SIMC1: variants seen among roughly 807,000 people sequenced by gnomAD.
The protein encoded by SIMC1 is SUMO interacting motifs containing 1.
In SIMC1, 55 loss-of-function variants were observed where a neutral mutation model predicts 82.3. The observed-to-expected ratio is 0.67, with a 90% CI of 0.54 to 0.84. The LOEUF (loss-of-function observed/expected upper bound fraction) is 0.84. Among genes scored for constraint, SIMC1 ranks in the 40% least tolerant of loss-of-function variants. The pLI, the probability that SIMC1 is intolerant of heterozygous loss-of-function variation, is 0.00. For synonymous variants in SIMC1, 353 were observed against 426.3 expected (o/e 0.83, Z 2.12); for missense variants, 915 against 1,107.2 (o/e 0.83, Z 2.46).
At chr5:176,313,463 A>G (rs774812653) in intron 4 of SIMC1, 374 of 1,550,020 alleles carry the variant, frequency 2.4e-4, no homozygotes, top group South Asian at 3.8e-4. Context: ...TACTTAAAAA[A>G]TGGTTTCTGA....
chr5:176,265,900 A>G (rs1762191296), intron 1 of SIMC1, among the ~76,000 whole-genome samples: 1 of 152,148 alleles, frequency 6.6e-6, no homozygotes. Flanking sequence ...CAGGATACAA[A>G]AAGAGGTTAT....
chr5:176,274,201 CTG>C (rs1762577380), intron 1 of SIMC1, among the ~76,000 whole-genome samples: 1 of 141,928 alleles, frequency 7.0e-6, no homozygotes, highest in South Asian at 2.4e-4. Context: ...GCCATTCTAA[CTG>C]GTGTGAGATG....
At chr5:176,241,943 TTC>T (rs1761289761) in intron 1 of SIMC1, among the ~76,000 whole-genome samples, 1 of 152,064 alleles carries the variant, frequency 6.6e-6, no homozygotes, top group African/African-American at 2.4e-5. Context: ...GTCATGACTT[TTC>T]TCTGTTTCTT....
intron 5 of SIMC1, among the ~76,000 whole-genome samples, chr5:176,316,076 G>A (rs956819462): frequency 4.6e-5 from 7 of 152,092 alleles, no homozygotes; most frequent in Non-Finnish European, 8.8e-5. Context: ...TTGGGAGACC[G>A]AGACAGGAGA....
intron 6 of SIMC1, chr5:176,322,703 T>C: frequency 3.1e-6 from 1 of 321,268 alleles, no homozygotes; most frequent in African/African-American, 2.1e-5. Flanking sequence ...TGCCCTTCAC[T>C]TCCTGCATTT....
At chr5:176,330,599 C>G (rs1468864461) in intron 7 of SIMC1, among the ~76,000 whole-genome samples, 1 of 152,026 alleles carries the variant, frequency 6.6e-6, no homozygotes, top group Non-Finnish European at 1.5e-5. Flanking sequence ...ATAATTTGAG[C>G]TCCAAAATGA....
At chr5:176,271,921 T>G (rs1171551773) in intron 1 of SIMC1, among the ~76,000 whole-genome samples, 2 of 57,548 alleles carry the variant, frequency 3.5e-5, no homozygotes, top group East Asian at 1.5e-3. Flanking sequence ...TAATTGTATA[T>G]TATATTATAA....
chr5:176,321,005 C>T (rs1226037466), intron 5 of SIMC1, among the ~76,000 whole-genome samples: 1 of 152,176 alleles, frequency 6.6e-6, no homozygotes, highest in African/African-American at 2.4e-5. Flanking sequence ...CCTCACCCCT[C>T]ATCCATCAGC....
intron 1 of SIMC1, among the ~76,000 whole-genome samples, chr5:176,275,101 C>T (rs1337111847): frequency 3.3e-5 from 5 of 151,540 alleles, no homozygotes; most frequent in African/African-American, 4.8e-5. Flanking sequence ...ATTCTTCCTA[C>T]CCATGAGCAT....
At chr5:176,288,880 C>G (rs1341239923) in intron 1 of SIMC1, among the ~76,000 whole-genome samples, 1 of 152,174 alleles carries the variant, frequency 6.6e-6, no homozygotes, top group Non-Finnish European at 1.5e-5. Context: ...TACAATACCT[C>G]TGTACTGTAT....
intron 4 of SIMC1, 52 bp from the exon 5 acceptor site, chr5:176,313,639 G>C: frequency 1.2e-6 from 2 of 1,604,822 alleles, no homozygotes; most frequent in Non-Finnish European, 1.7e-6. Context: ...AATGTTGACT[G>C]TCATCCAAGA....
At chr5:176,271,270 GA>G (rs978759205) in intron 1 of SIMC1, among the ~76,000 whole-genome samples, 2 of 152,170 alleles carry the variant, frequency 1.3e-5, no homozygotes, top group African/African-American at 2.4e-5. Flanking sequence ...TGAGGCCTGA[GA>G]ATCATTTGAA....
At chr5:176,328,350 G>GACTAATA (rs35838110) in intron 7 of SIMC1, among the ~76,000 whole-genome samples, 53 of 152,078 alleles carry the variant, frequency 3.5e-4, no homozygotes, top group African/African-American at 1.3e-3. Context: ...GTAAGCCACA[G>GACTAATA]ACTAATAAAA....
chr5:176,256,491 T>G (rs554809104), intron 1 of SIMC1, among the ~76,000 whole-genome samples: 26 of 152,312 alleles, frequency 1.7e-4, no homozygotes, highest in African/African-American at 5.8e-4. Flanking sequence ...CCTTCTTTCT[T>G]AAATAGTTAG....
chr5:176,292,832 C>G (rs1388372483), intron 2 of SIMC1, among the ~76,000 whole-genome samples: 1 of 152,178 alleles, frequency 6.6e-6, no homozygotes, highest in South Asian at 2.1e-4. Flanking sequence ...TGAGCCACCG[C>G]GCCCGGCCCA....
chr5:176,295,062 T>C lies in SIMC1; in HGVS notation c.1464T>C (p.His488=), dbSNP rs1271273543. 1.9e-6 allele frequency: 3 copies of C among 1,608,540 alleles called. No homozygotes were observed. Among genetic ancestry groups the C allele is most frequent in the African/African-American group, 1.3e-5 (1 of 74,570 alleles). Reference sequence around the variant, plus strand: ...GTCAAAAATTAGAACCCATCCCTCATCGAAGACTAAGAATGGTAACAAATA... The same window carrying C: ...GTCAAAAATTAGAACCCATCCCTCACCGAAGACTAAGAATGGTAACAAATA... ...NKGQKLEPIP[H]RRLRMVTNTI... The change falls in exon 3 of 10, where the codon CAT becomes CAC. Residue 488 remains histidine (H), a synonymous_variant. Coordinates refer to ENST00000429602, the MANE Select transcript of SIMC1 (RefSeq NM_001308195.2).
intron 1 of SIMC1, among the ~76,000 whole-genome samples, chr5:176,248,317 C>T (rs1209844364): frequency 6.6e-6 from 1 of 152,026 alleles, no homozygotes; most frequent in Non-Finnish European, 1.5e-5. Context: ...TGAAGAGGTC[C>T]TTCACATCCC....
chr5:176,317,776 T>C (rs2113356988), intron 5 of SIMC1, among the ~76,000 whole-genome samples: 1 of 152,344 alleles, frequency 6.6e-6, no homozygotes, highest in Middle Eastern at 3.4e-3. Flanking sequence ...CTTGCTTTCC[T>C]TGTATGTATC....
At chr5:176,272,517 G>A (rs1762488514) in intron 1 of SIMC1, among the ~76,000 whole-genome samples, 1 of 152,222 alleles carries the variant, frequency 6.6e-6, no homozygotes, top group Admixed American at 6.5e-5. Flanking sequence ...CTCCCAGGGT[G>A]AGTGACGCAG....
Sources: gnomAD v4.1 joint callset for allele counts (sites outside exome capture counted in the v4.1 genomes callset) on GRCh38, gnomAD v4.1.1 for gene constraint, MANE v1.5 for transcripts, NCBI Gene and HGNC (gene_info 2026-07-23, HGNC 2026-07-21) for gene names.